The following CELF5 variants were observed in gnomAD, a reference collection of about 807,000 sequenced individuals.
CELF5 encodes CUGBP Elav-like family member 5.
Under a neutral mutation model 54.9 loss-of-function variants are expected in CELF5, and 6 were observed. The observed-to-expected ratio is 0.11, with a 90% CI of 0.06 to 0.22. The LOEUF (loss-of-function observed/expected upper bound fraction) is 0.22. CELF5 is among the 10% of genes least tolerant of loss of function. The probability of loss-of-function intolerance (pLI) is 1.00; values close to 1 mark genes in which losing one functional copy is unlikely to be tolerated. For missense variants in CELF5, 401 were observed against 678.6 expected (o/e 0.59, Z 4.54); for synonymous variants, 271 against 290.9 (o/e 0.93, Z 0.70).
At position 3,226,423 on chromosome 19, in the gene CELF5, C is replaced by T. The variant is rs540409871; in HGVS notation, c.259+1425C>T. On this transcript the variant is annotated intron_variant, in intron 1 of 12. Transcript: ENST00000292672. ...AGAAACCCCTCCCCATTCCCCATCT[C>T]TTTTCAAAACCAACCATCACACACA... is the stretch of plus-strand genomic sequence containing the variant. Among the ~76,000 whole-genome samples the T allele has an allele frequency of 8.3e-5, 11 of 132,030 alleles. No individual in the cohort carries two copies. The East Asian group carries it at 2.5e-3, about 30-fold the overall frequency. 86.6% of individuals were successfully genotyped at this position (132,030 alleles called of 152,430 possible). A position where few individuals can be genotyped will look rare whatever the true frequency, so the allele number is the denominator to read the frequency against.
chr19:3,224,702 CCCGCCG>C lies in CELF5; in HGVS notation c.-25_-20del, dbSNP rs979641198. On this transcript the variant is annotated 5_prime_UTR_variant, in exon 1 of 13. Transcript: ENST00000292672. Reference sequence around the variant, plus strand: ...GCTCCAGCTGCGAGTCCGCCCGCCGCCCGCCGCCGCCGCCGCCGGCTCGGTCCCGCG... The same window carrying C: ...GCTCCAGCTGCGAGTCCGCCCGCCGCCCGCCGCCGCCGGCTCGGTCCCGCG... 15 of 1,008,664 alleles carry C rather than the reference CCCGCCG, an allele frequency of 1.5e-5. No homozygotes were observed. The highest frequency in any genetic ancestry group is 2.0e-4 in the East Asian group (2 of 9,800). 62.5% of individuals were successfully genotyped at this position (1,008,664 alleles called of 1,614,324 possible). A position where few individuals can be genotyped will look rare whatever the true frequency, so the allele number is the denominator to read the frequency against.
rs533728807 is a variant in CELF5, at chr19:3,234,154, G to C, written c.259+9156G>C. Among the ~76,000 whole-genome samples, 3 of 152,246 alleles carry C rather than the reference G, an allele frequency of 2.0e-5. No individual in the cohort carries two copies. In the East Asian group the frequency reaches 5.8e-4, roughly 29 times the overall value. On this transcript the variant is annotated intron_variant, in intron 1 of 12. Coordinates refer to ENST00000292672, the MANE Select transcript of CELF5 (RefSeq NM_021938.4). Reference sequence around the variant, plus strand: ...CACCAGAAGAACTTTGTACACATAGGGAAATGGAGGCCCAGGTAGAGGAGG... The same window carrying C: ...CACCAGAAGAACTTTGTACACATAGCGAAATGGAGGCCCAGGTAGAGGAGG...
rs2080036872 is a variant in CELF5 at position 3,275,694 on chromosome 19, G to A, written c.395-162G>A. Among the ~76,000 whole-genome samples, 1 of 152,150 alleles carries A rather than the reference G, an allele frequency of 6.6e-6. No individual in the cohort carries two copies. The highest frequency in any genetic ancestry group is 6.5e-5 in the Admixed American group (1 of 15,290). On this transcript the variant is annotated intron_variant, in intron 3 of 12. Transcript: ENST00000292672. The surrounding 1 kb of genome is among the most constrained non-coding windows in gnomAD (Gnocchi z 6.7). ...TGGAGAGATCCGGGGCAGGGAAAGG[G>A]CGCGGCTGGGTCCTCCCTCGCACGC...
intron 1 of CELF5, among the ~76,000 whole-genome samples, chr19:3,227,110 TG>T (rs1165551169): frequency 2.6e-5 from 4 of 152,076 alleles, no homozygotes; most frequent in African/African-American, 9.7e-5. Context: ...GTGTCGAAAA[TG>T]GGTCCAGTAC....
intron 1 of CELF5, among the ~76,000 whole-genome samples, chr19:3,248,880 TCC>T (rs1301205037): frequency 1.3e-4 from 17 of 130,358 alleles, no homozygotes; most frequent in African/African-American, 4.7e-4. Context: ...CTTCCTTCCT[TCC>T]TTCCTTCCTT....
chr19:3,244,911 G>T (rs1304370045), intron 1 of CELF5, among the ~76,000 whole-genome samples: 1 of 146,784 alleles, frequency 6.8e-6, no homozygotes, highest in Non-Finnish European at 1.5e-5. Context: ...TGTGTGGTGT[G>T]TGCATACATC....
chr19:3,294,684 C>T (rs1232109630), intron 12 of CELF5: 4 of 152,158 alleles, frequency 2.6e-5, no homozygotes, highest in Admixed American at 2.0e-4. Flanking sequence ...GGCACTGTTC[C>T]AGTGCTCGGG....
At chr19:3,272,590 G>A (rs1441109199) in intron 2 of CELF5, among the ~76,000 whole-genome samples, 1 of 152,124 alleles carries the variant, frequency 6.6e-6, no homozygotes, top group Non-Finnish European at 1.5e-5. Flanking sequence ...GTGGAAGTTG[G>A]CCACTTCCTT....
At chr19:3,296,707 C>G (rs1384499930) in intron 12 of CELF5, 51 bp from the exon 13 acceptor site, 1 of 152,208 alleles carries the variant, frequency 6.6e-6, no homozygotes, top group East Asian at 1.9e-4. Flanking sequence ...ACGTGTCTTT[C>G]TGGTCCATGT....
At chr19:3,227,535 A>G (rs1481647084) in intron 1 of CELF5, among the ~76,000 whole-genome samples, 1 of 152,042 alleles carries the variant, frequency 6.6e-6, no homozygotes, top group East Asian at 1.9e-4. Flanking sequence ...GACTGGGCAC[A>G]GGAGATCTGT....
chr19:3,244,975 T>G (rs1472316389), intron 1 of CELF5, among the ~76,000 whole-genome samples: 2 of 148,486 alleles, frequency 1.3e-5, no homozygotes, highest in Admixed American at 1.3e-4. Flanking sequence ...TGCGTGTGTG[T>G]GTGCATGTGT....
At chr19:3,251,510 T>G (rs1020173915) in intron 2 of CELF5, among the ~76,000 whole-genome samples, 4 of 151,400 alleles carry the variant, frequency 2.6e-5, no homozygotes, top group African/African-American at 9.7e-5. Flanking sequence ...GCAGGGGAGG[T>G]GACAGGGCTG....
chr19:3,296,434 G>GAAAAAAAAAAAAAAAAAAAAAA (rs5826810), intron 12 of CELF5: 14 of 54,868 alleles, frequency 2.6e-4, no homozygotes, highest in African/African-American at 3.5e-4. Context: ...AAACCACACA[G>GAAAAAAAAAAAAAAAAAAAAAA]AAAAAAAAAA....
intron 1 of CELF5, among the ~76,000 whole-genome samples, chr19:3,237,039 G>A (rs1395455907): frequency 6.7e-5 from 10 of 148,492 alleles, no homozygotes; most frequent in African/African-American, 2.5e-4. Flanking sequence ...CCGGCCAGGC[G>A]TGGTGGCTCA....
intron 2 of CELF5, among the ~76,000 whole-genome samples, chr19:3,251,470 T>C (rs1403734198): frequency 6.7e-6 from 1 of 150,124 alleles, no homozygotes; most frequent in Non-Finnish European, 1.5e-5. Context: ...TGGAACAGAG[T>C]GAGGAGGTGG....
Position 3,257,941 on chromosome 19 carries a change from A to T in CELF5, c.342+6874A>T, listed in dbSNP as rs570636081. On this transcript the variant is annotated intron_variant, in intron 2 of 12. Coordinates refer to ENST00000292672, the MANE Select transcript of CELF5 (RefSeq NM_021938.4). ...CAGCCTCCCAGGTAGCTAGGACCACAGGTGCACACCACCATACCTGGCTGA... is the reference window on the plus strand; with the variant it reads ...CAGCCTCCCAGGTAGCTAGGACCACTGGTGCACACCACCATACCTGGCTGA... 3.1e-3 allele frequency among the ~76,000 whole-genome samples: 475 copies of T among 150,988 alleles called. 2 individuals are homozygous for T. The highest frequency in any genetic ancestry group is 5.2e-3 in the Non-Finnish European group (352 of 67,884).
chr19:3,238,080 GC>G (rs569853039), intron 1 of CELF5, among the ~76,000 whole-genome samples: 1 of 152,008 alleles, frequency 6.6e-6, no homozygotes, highest in East Asian at 1.9e-4. Flanking sequence ...TTGGCCGGGC[GC>G]CATGGGTCAC....
intron 10 of CELF5, among the ~76,000 whole-genome samples, chr19:3,289,285 G>C (rs1288561180): frequency 1.3e-5 from 2 of 152,108 alleles, no homozygotes; most frequent in Admixed American, 6.6e-5. Context: ...GCTAGACGCA[G>C]TGGCTCACCC....
At chr19:3,263,003 T>C (rs1474611038) in intron 2 of CELF5, among the ~76,000 whole-genome samples, 1 of 151,864 alleles carries the variant, frequency 6.6e-6, no homozygotes, top group Admixed American at 6.6e-5. Flanking sequence ...CCCAGCACTT[T>C]GGGAGACCGA....
Sources: gnomAD v4.1 joint callset for allele counts (sites outside exome capture counted in the v4.1 genomes callset) on GRCh38, gnomAD v4.1.1 for gene constraint, Gnocchi (gnomAD v3.1) non-coding constraint, MANE v1.5 for transcripts, NCBI Gene and HGNC (gene_info 2026-07-23, HGNC 2026-07-21) for gene names.